Variants in UBXN7 observed in about 807,000 individuals in gnomAD.
The protein encoded by UBXN7 is UBX domain-containing protein 7.
In UBXN7, 9 loss-of-function variants were observed where a neutral mutation model predicts 58.0. That is an observed-to-expected ratio of 0.16 (90% confidence interval 0.09 to 0.27). UBXN7 has a LOEUF of 0.27. Ranked by LOEUF, UBXN7 falls within the 10% of genes least tolerant of loss-of-function variation. The pLI, the probability that UBXN7 is intolerant of heterozygous loss-of-function variation, is 1.00. For missense variants in UBXN7, 328 were observed against 599.6 expected, an observed-to-expected ratio of 0.55 and a Z score of 4.73; for synonymous variants, 208 against 205.0, an observed-to-expected ratio of 1.01 and a Z score of -0.12.
rs759092563 is a variant in UBXN7 at position 196,356,781 on chromosome 3, A to G, written c.1374T>C (p.Phe458=). The G allele has an allele frequency of 9.9e-6, 16 of 1,614,008 alleles. No individual in the cohort carries two copies. The highest frequency in any genetic ancestry group is 1.3e-5 in the Non-Finnish European group (15 of 1,179,996). ...CCAGATGAGATAATTTCCTTCGAGG[A>G]AAGTTGGTGAGAAGTTCAAAACGTT... The part of the protein sequence containing the change: ...PNERFELLTN[F]PRRKLSHLDY... Residue 458 remains phenylalanine, a synonymous_variant, in exon 11 of 11, where the codon TTT becomes TTC. Coordinates refer to ENST00000296328, the MANE Select transcript of UBXN7 (RefSeq NM_015562.2).
At chr3:196,371,393 A>G (rs1384724991) in intron 6 of UBXN7, among the ~76,000 whole-genome samples, 1 of 151,790 alleles carries the variant, frequency 6.6e-6, no homozygotes, top group African/African-American at 2.4e-5. Context: ...AATTTCATCT[A>G]TTTTGATTAA....
intron 1 of UBXN7, 91 bp downstream of exon 1, chr3:196,432,214 CAGCTGTGGGTAAAGCCCGAAGG>C (rs1731090743): frequency 7.0e-7 from 1 of 1,432,986 alleles, no homozygotes; most frequent in African/African-American, 1.4e-5. Flanking sequence ...GGGAGGACGG[CAGCTGTGGGTAAAGCCCGAAGG>C]AGGAATGCCT....
At chr3:196,409,808 A>G (rs1443193472) in intron 1 of UBXN7, among the ~76,000 whole-genome samples, 1 of 152,130 alleles carries the variant, frequency 6.6e-6, no homozygotes, top group Non-Finnish European at 1.5e-5. Flanking sequence ...CCTGTGACCC[A>G]TGAGTCTACC....
At chr3:196,361,956 G>A (rs750546633) in intron 9 of UBXN7, 33 bp from the exon 10 acceptor site, 23 of 1,226,292 alleles carry the variant, frequency 1.9e-5, no homozygotes, top group African/African-American at 2.9e-5. Context: ...AAAAAAAAAC[G>A]GGATACAGGA....
intron 5 of UBXN7, among the ~76,000 whole-genome samples, chr3:196,384,040 G>T (rs539526813): frequency 9.9e-5 from 15 of 152,188 alleles, no homozygotes; most frequent in African/African-American, 3.6e-4. Context: ...CAACAAAATT[G>T]ATAGACCACT....
At chr3:196,387,222 A>C (rs983228578) in intron 5 of UBXN7, among the ~76,000 whole-genome samples, 1 of 152,232 alleles carries the variant, frequency 6.6e-6, no homozygotes, top group Non-Finnish European at 1.5e-5. Context: ...TGCTGGGAAA[A>C]CTGGCTAGCC....
chr3:196,367,075 T>C (rs1017897311), intron 8 of UBXN7, among the ~76,000 whole-genome samples: 2 of 151,642 alleles, frequency 1.3e-5, no homozygotes, highest in African/African-American at 4.8e-5. Flanking sequence ...CCCAGCTACT[T>C]GGGAGGCCAA....
rs190190706 is a variant in UBXN7, at chr3:196,408,977, C to T, written c.74-1584G>A. Among the ~76,000 whole-genome samples, 499 of 152,250 alleles carry T rather than the reference C, an allele frequency of 3.3e-3. 4 individuals are homozygous for T. The highest frequency in any genetic ancestry group is 0.017 in the Middle Eastern group (5 of 294). ...AAATTCCCAGTGATTTATATTTGAT[C>T]GTTGTCTCGCCCCCTCCATTCATAC... On this transcript the variant is annotated intron_variant, in intron 1 of 10. Transcript: ENST00000296328.
chr3:196,431,979 G>T, intron 1 of UBXN7: 1 of 472,654 alleles, frequency 2.1e-6, no homozygotes, highest in Non-Finnish European at 3.9e-6. Context: ...AGGAGGAGGA[G>T]GAGGGCGGTG....
In UBXN7 at chr3:196,356,814, G is replaced by A. The variant is rs200339682; in HGVS notation, c.1341C>T (p.Tyr447=). ...TGAGAAGTTCAAAACGTTCATTTGG[G>A]TATCCTTTAGACTGCACGTGCTTCA... ...ALVKHVQSKG[Y]PNERFELLTN... is the part of the protein sequence containing the mutation. Residue 447 remains tyrosine, a synonymous_variant, in exon 11 of 11, where the codon TAC becomes TAT. Coordinates refer to ENST00000296328, the MANE Select transcript of UBXN7 (RefSeq NM_015562.2). The A allele has an allele frequency of 5.6e-6, 9 of 1,613,594 alleles. No homozygotes were observed. In the African/African-American group the frequency reaches 9.3e-5, roughly 17 times the overall value.
rs775550713 is a variant in UBXN7, at chr3:196,356,733, C to T, written c.1422G>A (p.Glu474=). 6.2e-7 allele frequency: 1 copy of T among 1,612,692 alleles called. No homozygotes were observed. Among genetic ancestry groups the T allele is most frequent in the South Asian group, 1.1e-5 (1 of 90,588 alleles). ...CAGTCTCTTGAGGACAAAGGCCTGC[C>T]TCTTGCAATGTAATATCATAGTCCA... is the stretch of plus-strand genomic sequence containing the variant. ...SHLDYDITLQ[E]AGLCPQETVF... Residue 474 remains glutamate (E), a synonymous_variant, in exon 11 of 11, where the codon GAG becomes GAA. Coordinates refer to ENST00000296328, the MANE Select transcript of UBXN7 (RefSeq NM_015562.2).
chr3:196,419,097 C>T (rs1169431572), intron 1 of UBXN7, among the ~76,000 whole-genome samples: 1 of 152,060 alleles, frequency 6.6e-6, no homozygotes, highest in Non-Finnish European at 1.5e-5. Flanking sequence ...GAAACCCCAT[C>T]TCTACTAAAA....
intron 5 of UBXN7, among the ~76,000 whole-genome samples, chr3:196,375,331 C>T (rs1728983379): frequency 6.7e-6 from 1 of 149,132 alleles, no homozygotes; most frequent in Admixed American, 6.8e-5. Context: ...TAAATATGTA[C>T]AGTAGTCTGG....
rs1309243991 is a variant in UBXN7 at position 196,351,081 on chromosome 3, C to CA, written c.*5603dup. ...TACTACTGCGTAGTTACATGATGGTCAAAAAAGGCAGAGAGACGGTAAGAA... is the reference window on the plus strand; with the variant it reads ...TACTACTGCGTAGTTACATGATGGTCAAAAAAAGGCAGAGAGACGGTAAGAA... On this transcript the variant is annotated 3_prime_UTR_variant, in exon 11 of 11. Transcript: ENST00000296328. 4.6e-5 allele frequency: 7 copies of CA among 152,114 alleles called. No homozygotes were observed. The highest frequency in any genetic ancestry group is 1.7e-4 in the African/African-American group (7 of 41,426). 9.4% of individuals were successfully genotyped at this position (152,114 alleles called of 1,614,324 possible).
At chr3:196,370,273 TTTTTTTTG>T (rs1728784530) in intron 6 of UBXN7, among the ~76,000 whole-genome samples, 1 of 105,800 alleles carries the variant, frequency 9.5e-6, no homozygotes, top group East Asian at 9.2e-4. Context: ...GTTTTTTTGT[TTTTTTTTG>T]TTTGTTTGTT....
chr3:196,364,275 G>A (rs372630089), intron 8 of UBXN7, among the ~76,000 whole-genome samples: 3 of 152,082 alleles, frequency 2.0e-5, no homozygotes, highest in African/African-American at 7.2e-5. Context: ...GAAAGAAATC[G>A]TAAGATAATC....
At position 196,417,050 on chromosome 3, in the gene UBXN7, A is replaced by C. The variant is rs572176480; in HGVS notation, c.74-9657T>G. 8.0e-4 allele frequency among the ~76,000 whole-genome samples: 122 copies of C among 152,342 alleles called. 1 individual carries two copies. Among genetic ancestry groups the C allele is most frequent in the East Asian group, 5.0e-3 (26 of 5,184 alleles). ...AATGTACACACAGGCGCGGCGGCTCACGCCTGTAATCCCAGAACTTTGGGG... is the reference window on the plus strand; with the variant it reads ...AATGTACACACAGGCGCGGCGGCTCCCGCCTGTAATCCCAGAACTTTGGGG... On this transcript the variant is annotated intron_variant, in intron 1 of 10. Coordinates refer to ENST00000296328, the MANE Select transcript of UBXN7 (RefSeq NM_015562.2).
At chr3:196,398,160 A>G (rs1389132292) in intron 3 of UBXN7, among the ~76,000 whole-genome samples, 2 of 152,230 alleles carry the variant, frequency 1.3e-5, no homozygotes, top group African/African-American at 2.4e-5. Context: ...CCCCCAGGCA[A>G]TAGCCACATG....
intron 1 of UBXN7, among the ~76,000 whole-genome samples, chr3:196,424,703 C>CTTTT (rs36110858): frequency 9.5e-6 from 1 of 105,258 alleles, no homozygotes; most frequent in African/African-American, 3.6e-5. Flanking sequence ...TTTTTATAAC[C>CTTTT]TTTTTTTTTT....
Sources: allele counts gnomAD v4.1 joint callset (sites outside exome capture counted in the v4.1 genomes callset), GRCh38; gene constraint gnomAD v4.1.1; transcripts MANE v1.5; gene names NCBI Gene and HGNC (gene_info 2026-07-23, HGNC 2026-07-21).